LIFR: variants seen among roughly 807,000 people sequenced by gnomAD.
LIFR encodes leukemia inhibitory factor receptor.
Under a neutral mutation model 122.2 loss-of-function variants are expected in LIFR, and 84 were observed. That is an observed-to-expected ratio of 0.69 (90% CI 0.58 to 0.82). The LOEUF (loss-of-function observed/expected upper bound fraction) is 0.82, where lower values mean the gene tolerates loss of function less well. Among genes scored for constraint, LIFR ranks in the 40% least tolerant of loss-of-function variants. LIFR has a pLI of 0.00. For synonymous variants in LIFR, 422 were observed against 434.7 expected (o/e 0.97, Z 0.36); for missense variants, 1,294 against 1,311.6 (o/e 0.99, Z 0.21).
At chr5:38,582,157 C>T (rs1031270201) in intron 1 of LIFR, among the ~76,000 whole-genome samples, 3 of 151,630 alleles carry the variant, frequency 2.0e-5, no homozygotes, top group African/African-American at 7.3e-5. Flanking sequence ...AACTCCTGGG[C>T]TCAAGTGATC....
intron 5 of LIFR, among the ~76,000 whole-genome samples, chr5:38,521,580 G>A (rs1441086126): frequency 6.6e-6 from 1 of 152,192 alleles, no homozygotes; most frequent in Non-Finnish European, 1.5e-5. Flanking sequence ...GTGGGTCCAA[G>A]GGGGCCAATT....
At chr5:38,553,891 C>T (rs1748377041) in intron 1 of LIFR, among the ~76,000 whole-genome samples, 2 of 151,316 alleles carry the variant, frequency 1.3e-5, no homozygotes, top group Admixed American at 1.3e-4. Flanking sequence ...TAAAGAAAAG[C>T]AAGAGCTAAG....
intron 19 of LIFR, 105 bp from the exon 20 acceptor site, chr5:38,482,323 G>C (rs1448326037): frequency 9.4e-7 from 1 of 1,065,102 alleles, no homozygotes; most frequent in East Asian, 2.5e-5. Context: ...TTGTAAACAG[G>C]TGTCTCTACT....
At chr5:38,575,526 C>T (rs1265116772) in intron 1 of LIFR, among the ~76,000 whole-genome samples, 2 of 152,154 alleles carry the variant, frequency 1.3e-5, no homozygotes, top group Non-Finnish European at 2.9e-5. Flanking sequence ...GAGAGAGCTT[C>T]CTATACATGA....
upstream of LIFR, among the ~76,000 whole-genome samples, chr5:38,597,733 C>T (rs957112152): frequency 2.0e-5 from 3 of 152,092 alleles, no homozygotes; most frequent in Non-Finnish European, 4.4e-5. Flanking sequence ...GGGAATCCAG[C>T]TAGGATGCTG....
In LIFR at chr5:38,477,844, G is replaced by C. The variant is rs1414775600; in HGVS notation, c.*3751C>G. The C allele has an allele frequency of 9.2e-6, 2 of 216,464 alleles. No homozygotes were observed. The highest frequency in any genetic ancestry group is 4.5e-5 in the African/African-American group (2 of 44,322). 13.4% of individuals were successfully genotyped at this position (216,464 alleles called of 1,614,324 possible). ...AGCTAATAATCCCACATTTTACTCT[G>C]AGATGCCCAATTTTACACTTTCAAA... On this transcript the variant is annotated 3_prime_UTR_variant, in exon 20 of 20. Transcript: ENST00000453190.
upstream of LIFR, among the ~76,000 whole-genome samples, chr5:38,560,586 T>C (rs1296297955): frequency 6.6e-6 from 1 of 151,634 alleles, no homozygotes; most frequent in Non-Finnish European, 1.5e-5. Flanking sequence ...TTTTGTTTTG[T>C]TTTGTTTTGT....
intron 1 of LIFR, among the ~76,000 whole-genome samples, chr5:38,537,042 C>G (rs1014467507): frequency 6.6e-6 from 1 of 152,078 alleles, no homozygotes; most frequent in African/African-American, 2.4e-5. Flanking sequence ...TCAGGATCCT[C>G]CATGTCAGTT....
At chr5:38,506,313 TAAAAGAGGAG>T (rs1426800895) in intron 8 of LIFR, among the ~76,000 whole-genome samples, 180 bp downstream of exon 8, 4 of 152,178 alleles carry the variant, frequency 2.6e-5, no homozygotes, top group African/African-American at 9.7e-5. Flanking sequence ...CTAAGCTTCT[TAAAAGAGGAG>T]ACATAAAATT....
At chr5:38,493,144 C>T (rs565576094) in intron 14 of LIFR, among the ~76,000 whole-genome samples, 1 of 152,180 alleles carries the variant, frequency 6.6e-6, no homozygotes, top group Non-Finnish European at 1.5e-5. Flanking sequence ...CTCTCCCTAA[C>T]CTTGGTAACC....
chr5:38,543,445 T>C (rs188086544), intron 1 of LIFR, among the ~76,000 whole-genome samples: 4 of 152,322 alleles, frequency 2.6e-5, no homozygotes, highest in Admixed American at 1.3e-4. Flanking sequence ...TGAGCCATTA[T>C]GTTGTCTTTC....
rs985979439 is a variant in LIFR at position 38,502,776 on chromosome 5, T to C, written c.1461A>G (p.Val487=). ...QEQRNVTIKG[V]ENSSYLVALD... The stretch of plus-strand genomic sequence containing the variant: ...GAGCAACAAGATAACTTGAATTTTC[T>C]ACTCCTTTGATTGTGACATTCCGCT... The change falls in exon 11 of 20, where the codon GTA becomes GTG. Residue 487 remains valine, a synonymous_variant. Coordinates refer to ENST00000453190, the MANE Select transcript of LIFR (RefSeq NM_001127671.2). 2.5e-6 allele frequency: 4 copies of C among 1,604,382 alleles called. No individual in the cohort carries two copies. Among genetic ancestry groups the C allele is most frequent in the Non-Finnish European group, 3.4e-6 (4 of 1,171,948 alleles).
chr5:38,536,844 T>C (rs1237691998), intron 1 of LIFR, among the ~76,000 whole-genome samples: 1 of 152,240 alleles, frequency 6.6e-6, no homozygotes, highest in African/African-American at 2.4e-5. Context: ...GAAAATAATA[T>C]TGAAATTTAA....
intron 4 of LIFR, among the ~76,000 whole-genome samples, chr5:38,523,881 C>G (rs550868876): frequency 6.6e-6 from 1 of 152,254 alleles, no homozygotes; most frequent in East Asian, 1.9e-4. Flanking sequence ...AAAAGGGGAA[C>G]ATATATATTA....
At chr5:38,530,213 G>T (rs1746928471) in intron 2 of LIFR, among the ~76,000 whole-genome samples, 1 of 152,150 alleles carries the variant, frequency 6.6e-6, no homozygotes, top group Non-Finnish European at 1.5e-5. Flanking sequence ...TCTTGATTGT[G>T]CTGGTGGTTA....
At chr5:38,578,356 A>G (rs1216341528) in intron 1 of LIFR, among the ~76,000 whole-genome samples, 1 of 150,764 alleles carries the variant, frequency 6.6e-6, no homozygotes, top group Non-Finnish European at 1.5e-5. Flanking sequence ...ACAGGCATGG[A>G]CCACCACACC....
intron 2 of LIFR, among the ~76,000 whole-genome samples, chr5:38,602,851 G>A (rs1750248652): frequency 1.3e-5 from 2 of 152,142 alleles, no homozygotes; most frequent in African/African-American, 4.8e-5. Context: ...ATCCACAGCT[G>A]TTAACATTAC....
chr5:38,514,049 AG>A (rs1475188023), intron 5 of LIFR, among the ~76,000 whole-genome samples: 1 of 152,146 alleles, frequency 6.6e-6, no homozygotes, highest in African/African-American at 2.4e-5. Context: ...TTTCAAAGAA[AG>A]GATCTTCTAT....
intron 7 of LIFR, among the ~76,000 whole-genome samples, chr5:38,509,630 T>C (rs981986959): frequency 1.4e-5 from 2 of 143,346 alleles, no homozygotes; most frequent in African/African-American, 6.0e-5. Context: ...CAATCTATCT[T>C]ATACACATTA....
Sources: allele counts gnomAD v4.1 joint callset (sites outside exome capture counted in the v4.1 genomes callset), GRCh38; gene constraint gnomAD v4.1.1; transcripts MANE v1.5; gene names NCBI Gene and HGNC (gene_info 2026-07-23, HGNC 2026-07-21).